Variants in DISC1 observed in about 807,000 individuals in gnomAD.
DISC1 encodes disrupted in schizophrenia 1 protein.
DISC1 carries 57 observed loss-of-function variants against 84.5 expected under a neutral mutation model. That is an observed-to-expected ratio of 0.67 (90% CI 0.55 to 0.84). The LOEUF (loss-of-function observed/expected upper bound fraction) is 0.84, where lower values mean the gene tolerates loss of function less well. Among genes scored for constraint, DISC1 ranks in the 40% least tolerant of loss-of-function variants. DISC1 has a pLI of 0.00. For synonymous variants in DISC1, 411 were observed against 415.2 expected, an observed-to-expected ratio of 0.99 and a Z score of 0.12; for missense variants, 1,000 against 1,057.8, an observed-to-expected ratio of 0.95 and a Z score of 0.76.
chr1:231,836,971 C>T (rs2082674052), intron 9 of DISC1, among the ~76,000 whole-genome samples: 1 of 152,082 alleles, frequency 6.6e-6, no homozygotes, highest in Admixed American at 6.6e-5. Context: ...TTATCCTTCC[C>T]TTAATGTTTC....
chr1:231,903,307 A>G (rs990566275), intron 9 of DISC1, among the ~76,000 whole-genome samples: 1 of 152,134 alleles, frequency 6.6e-6, no homozygotes, highest in Non-Finnish European at 1.5e-5. Context: ...AATGAATGTT[A>G]TGTGTGAAGA....
In DISC1 at chr1:231,694,573, G is replaced by A. The variant is rs141459782; in HGVS notation, c.815G>A (p.Arg272Gln). 12 of 1,614,098 alleles carry A rather than the reference G, an allele frequency of 7.4e-6. No individual in the cohort carries two copies. Among genetic ancestry groups the A allele is most frequent in the African/African-American group, 4.0e-5 (3 of 74,950 alleles). The change falls in exon 2 of 13, where the codon CGG (arginine) becomes CAG (glutamine). Residue 272 changes from arginine (R) to glutamine (Q), a missense_variant. Transcript: ENST00000439617. The part of the protein sequence containing the change: ...LSRPFSLLAT[R>Q]VSADLAQAAR... ...CGGCCCTTCAGTCTCTTGGCTACACGGGTCTCTGCAGACTTGGCCCAGGCC... is the reference window on the plus strand; with the variant it reads ...CGGCCCTTCAGTCTCTTGGCTACACAGGTCTCTGCAGACTTGGCCCAGGCC...
intron 1 of DISC1, among the ~76,000 whole-genome samples, chr1:231,659,972 T>C (rs1483432319): frequency 1.3e-5 from 2 of 152,226 alleles, no homozygotes; most frequent in African/African-American, 4.8e-5. Flanking sequence ...GAGAATTCTG[T>C]AGATATCTAT....
chr1:232,004,875 C>T (rs189031258), intron 10 of DISC1, among the ~76,000 whole-genome samples: 3 of 122,978 alleles, frequency 2.4e-5, no homozygotes, highest in Non-Finnish European at 3.4e-5. Flanking sequence ...CTGCCTCCCT[C>T]CCTCCCTCCC....
chr1:231,775,629 C>G (rs577963892), intron 6 of DISC1, among the ~76,000 whole-genome samples: 1 of 152,224 alleles, frequency 6.6e-6, no homozygotes, highest in Admixed American at 6.5e-5. Flanking sequence ...CCTTTTTAAG[C>G]ACTGGAGAAT....
In DISC1 at chr1:231,994,381, G is replaced by C. The variant is rs538624925; in HGVS notation, c.2043-14404G>C. On this transcript the variant is annotated intron_variant, in intron 10 of 12. Coordinates refer to ENST00000439617, the MANE Select transcript of DISC1 (RefSeq NM_018662.3). ...CAGAAGAACCAGGTGGAAGCTACAG[G>C]GCCTTTCCCTACCTTGCCTTGGAAG... Among the ~76,000 whole-genome samples the C allele has an allele frequency of 4.6e-5, 7 of 152,144 alleles. No homozygotes were observed. In the South Asian group the frequency reaches 1.5e-3, roughly 32 times the overall value.
At chr1:231,990,467 T>C (rs2102914320) in intron 10 of DISC1, among the ~76,000 whole-genome samples, 1 of 152,140 alleles carries the variant, frequency 6.6e-6, no homozygotes, top group East Asian at 1.9e-4. Flanking sequence ...TCGGGGGTGA[T>C]AGGGCTGCTT....
At chr1:231,705,317 T>A (rs915749890) in intron 3 of DISC1, among the ~76,000 whole-genome samples, 1,853 of 37,342 alleles carry the variant, frequency 0.05, no homozygotes, top group Middle Eastern at 0.065. Context: ...AAAAAAAAAA[T>A]CATTAAAAAA....
At chr1:231,785,328 G>A (rs1179961078) in intron 6 of DISC1, among the ~76,000 whole-genome samples, 1 of 151,298 alleles carries the variant, frequency 6.6e-6, no homozygotes, top group Admixed American at 6.6e-5. Flanking sequence ...CACCCAGGCT[G>A]GAGTGCAGTG....
At chr1:231,700,051 A>G (rs2066214118) in intron 2 of DISC1, among the ~76,000 whole-genome samples, 1 of 152,060 alleles carries the variant, frequency 6.6e-6, no homozygotes, top group Non-Finnish European at 1.5e-5. Flanking sequence ...TCTTTGTGTA[A>G]ATGTCACCAT....
At chr1:231,758,140 G>A (rs1010306937) in intron 4 of DISC1, among the ~76,000 whole-genome samples, 3 of 151,890 alleles carry the variant, frequency 2.0e-5, no homozygotes, top group African/African-American at 7.3e-5. Context: ...ATTTGTCCGT[G>A]TGGTGACCAG....
chr1:232,034,747 T>C (rs1670358638), intron 12 of DISC1, among the ~76,000 whole-genome samples: 1 of 152,206 alleles, frequency 6.6e-6, no homozygotes. Context: ...GCTCCATGCC[T>C]GCTCTTCACA....
chr1:231,857,981 C>A (rs1574289375), intron 9 of DISC1, among the ~76,000 whole-genome samples: 1 of 152,178 alleles, frequency 6.6e-6, no homozygotes, highest in Non-Finnish European at 1.5e-5. Context: ...TAACTCTTGC[C>A]GCTATAGGCC....
chr1:231,658,727 T>A (rs1311314373), intron 1 of DISC1, among the ~76,000 whole-genome samples: 1 of 152,200 alleles, frequency 6.6e-6, no homozygotes, highest in Admixed American at 6.5e-5. Context: ...CTGCATATAT[T>A]GAGATAATCA....
At chr1:231,792,668 C>T (rs527298409) in intron 6 of DISC1, among the ~76,000 whole-genome samples, 1 of 152,310 alleles carries the variant, frequency 6.6e-6, no homozygotes, top group East Asian at 1.9e-4. Context: ...GCTGGTGCTG[C>T]TGTTAGAATC....
intron 12 of DISC1, among the ~76,000 whole-genome samples, chr1:232,029,450 C>T (rs945785735): frequency 6.6e-6 from 1 of 152,238 alleles, no homozygotes; most frequent in Non-Finnish European, 1.5e-5. Flanking sequence ...TCTAGAGATT[C>T]AGAGAGGCTG....
chr1:231,671,489 A>T (rs199822617), intron 1 of DISC1, among the ~76,000 whole-genome samples: 1 of 152,184 alleles, frequency 6.6e-6, no homozygotes, highest in Non-Finnish European at 1.5e-5. Flanking sequence ...TCATAAAAAA[A>T]TTAACATTAC....
At chr1:231,636,453 C>T (rs1033506028) in intron 1 of DISC1, among the ~76,000 whole-genome samples, 2 of 152,128 alleles carry the variant, frequency 1.3e-5, no homozygotes, top group African/African-American at 2.4e-5. Flanking sequence ...CCTAATCATG[C>T]AGCTTTTGTA....
intron 3 of DISC1, among the ~76,000 whole-genome samples, chr1:231,711,067 T>C (rs1189116216): frequency 2.0e-5 from 3 of 152,188 alleles, no homozygotes; most frequent in African/African-American, 7.2e-5. Flanking sequence ...GTAAGTTGAT[T>C]CTTCCCACAA....
Sources: allele counts gnomAD v4.1 joint callset (sites outside exome capture counted in the v4.1 genomes callset), GRCh38; gene constraint gnomAD v4.1.1; transcripts MANE v1.5; gene names NCBI Gene and HGNC (gene_info 2026-07-23, HGNC 2026-07-21).